Variants in FHIT observed in about 807,000 individuals in gnomAD.
The protein encoded by FHIT is bis(5'-adenosyl)-triphosphatase.
A neutral mutation model predicts 17.9 loss-of-function variants in FHIT; 19 were observed. That is an observed-to-expected ratio of 1.06 (90% CI 0.74 to 1.56). The LOEUF (loss-of-function observed/expected upper bound fraction) is 1.56, where lower values mean the gene tolerates loss of function less well. Ranked by LOEUF, FHIT falls within the 40% of genes most tolerant of loss-of-function variation. The pLI is 0.00. For synonymous variants in FHIT, 81 were observed against 69.7 expected (o/e 1.16, Z -0.81); for missense variants, 248 against 189.2 (o/e 1.31, Z -1.82).
intron 5 of FHIT, among the ~76,000 whole-genome samples, chr3:60,467,352 C>A (rs2032855332): frequency 6.6e-6 from 1 of 151,440 alleles, no homozygotes; most frequent in South Asian, 2.1e-4. Flanking sequence ...TATTTCTGCT[C>A]TGATCTTTAT....
At chr3:59,813,800 G>GT (rs1016900273) in intron 8 of FHIT, among the ~76,000 whole-genome samples, 1 of 152,124 alleles carries the variant, frequency 6.6e-6, no homozygotes, top group East Asian at 1.9e-4. Context: ...GGGCATACAC[G>GT]TGACTCAATA....
intron 5 of FHIT, among the ~76,000 whole-genome samples, chr3:60,150,025 G>C (rs1222027913): frequency 2.1e-3 from 2 of 948 alleles, no homozygotes; most frequent in Non-Finnish European, 5.8e-3. Context: ...ACCAAGTTTT[G>C]CTACTTGTTG....
At chr3:60,954,377 A>G (rs1251183514) in intron 3 of FHIT, among the ~76,000 whole-genome samples, 2 of 152,234 alleles carry the variant, frequency 1.3e-5, no homozygotes, top group Admixed American at 1.3e-4. Flanking sequence ...ACATTCATAA[A>G]TGACGAACAA....
intron 2 of FHIT, among the ~76,000 whole-genome samples, chr3:61,043,650 T>C (rs900132403): frequency 6.6e-6 from 1 of 152,166 alleles, no homozygotes; most frequent in African/African-American, 2.4e-5. Context: ...ACCATGGAGT[T>C]TGACATCTGA....
chr3:59,881,822 T>C (rs1213204696), intron 8 of FHIT, among the ~76,000 whole-genome samples: 1 of 152,218 alleles, frequency 6.6e-6, no homozygotes, highest in African/African-American at 2.4e-5. Flanking sequence ...TGTAACTCAT[T>C]AATTAAATGC....
rs2030254606 is a variant in FHIT, at chr3:60,436,471, TG to T, written c.103+100388del. ...TCATGCCAGCCACTGTCCTAGGTGC[TG>T]AGGACACAGCAGTGAATAAAACAGA... On this transcript the variant is annotated intron_variant, in intron 5 of 9. Transcript: ENST00000492590. Among the ~76,000 whole-genome samples, 3 of 152,266 alleles carry T rather than the reference TG, an allele frequency of 2.0e-5. No homozygotes were observed. The South Asian group carries it at 6.2e-4, about 32-fold the overall frequency.
At chr3:61,058,383 A>G (rs1559948359) in intron 2 of FHIT, among the ~76,000 whole-genome samples, 2 of 152,122 alleles carry the variant, frequency 1.3e-5, no homozygotes, top group African/African-American at 2.4e-5. Context: ...CCCCTCCCCA[A>G]TATAGTTCCT....
intron 5 of FHIT, among the ~76,000 whole-genome samples, chr3:60,230,738 C>A (rs1704454637): frequency 6.6e-6 from 1 of 151,466 alleles, no homozygotes. Context: ...GAGATTGAAT[C>A]TCACTCTGTC....
At chr3:60,638,667 T>C (rs1164188130) in intron 4 of FHIT, among the ~76,000 whole-genome samples, 1 of 152,054 alleles carries the variant, frequency 6.6e-6, no homozygotes, top group Non-Finnish European at 1.5e-5. Flanking sequence ...TGGCTCATGG[T>C]GTGATGCTCC....
intron 4 of FHIT, among the ~76,000 whole-genome samples, chr3:60,597,921 A>C (rs1415114693): frequency 6.6e-6 from 1 of 152,170 alleles, no homozygotes; most frequent in African/African-American, 2.4e-5. Flanking sequence ...TGCCAGATAC[A>C]AAGAAATAAG....
intron 5 of FHIT, among the ~76,000 whole-genome samples, chr3:60,519,001 T>TA (rs1288870532): frequency 1.3e-5 from 2 of 152,182 alleles, no homozygotes; most frequent in Admixed American, 6.6e-5. Flanking sequence ...TGAGACTGTC[T>TA]AAAAAACAAT....
At chr3:60,678,272 A>G (rs1359091619) in intron 4 of FHIT, among the ~76,000 whole-genome samples, 8 of 152,202 alleles carry the variant, frequency 5.3e-5, no homozygotes, top group African/African-American at 7.2e-5. Flanking sequence ...CAAATTCACC[A>G]TATTTTCCTT....
chr3:59,919,090 A>G (rs1329762606), intron 8 of FHIT, among the ~76,000 whole-genome samples: 1 of 152,224 alleles, frequency 6.6e-6, no homozygotes, highest in Non-Finnish European at 1.5e-5. Context: ...CTGATCACAA[A>G]AAACCCCCCA....
rs782161120 is a variant in FHIT, at chr3:60,577,743, A to C, written c.-17-40764T>G. Among the ~76,000 whole-genome samples, 4 of 152,224 alleles carry C rather than the reference A, an allele frequency of 2.6e-5. 1 individual carries two copies. The East Asian group carries it at 7.7e-4, about 29-fold the overall frequency. On this transcript the variant is annotated intron_variant, in intron 4 of 9. Transcript: ENST00000492590. The stretch of plus-strand genomic sequence containing the variant: ...ATATATACAACCGTTCGGCTGCCTC[A>C]GGACATTTATGAAAATGAGATGCTC...
chr3:59,991,988 C>A (rs1000372915), intron 7 of FHIT, among the ~76,000 whole-genome samples: 3 of 151,932 alleles, frequency 2.0e-5, no homozygotes, highest in Non-Finnish European at 4.4e-5. Context: ...CTGACACTTG[C>A]AACTGAAAGA....
intron 8 of FHIT, among the ~76,000 whole-genome samples, chr3:59,780,873 A>G (rs970712786): frequency 6.6e-6 from 1 of 152,194 alleles, no homozygotes; most frequent in Non-Finnish European, 1.5e-5. Flanking sequence ...TAAAACACAG[A>G]TACCTCAAGA....
chr3:60,324,096 G>T (rs115242006), intron 5 of FHIT, among the ~76,000 whole-genome samples: 3 of 152,200 alleles, frequency 2.0e-5, no homozygotes, highest in Non-Finnish European at 2.9e-5. Flanking sequence ...GTTGTATTAG[G>T]ATACACCAGG....
At chr3:61,205,073 T>C (rs920495348) in intron 1 of FHIT, among the ~76,000 whole-genome samples, 3 of 150,890 alleles carry the variant, frequency 2.0e-5, no homozygotes, top group African/African-American at 7.3e-5. Flanking sequence ...CATGCGCTGT[T>C]TGGTGTTTTG....
intron 5 of FHIT, among the ~76,000 whole-genome samples, chr3:60,352,671 T>C (rs977612095): frequency 2.0e-5 from 3 of 152,024 alleles, no homozygotes; most frequent in African/African-American, 7.2e-5. Flanking sequence ...TCAGGTAATT[T>C]TTTAAAATTT....
Sources: allele counts gnomAD v4.1 joint callset (sites outside exome capture counted in the v4.1 genomes callset), GRCh38; gene constraint gnomAD v4.1.1; transcripts MANE v1.5; gene names NCBI Gene and HGNC (gene_info 2026-07-23, HGNC 2026-07-21).